Variants in FAM168A observed in about 807,000 individuals in gnomAD.
FAM168A encodes protein FAM168A.
A neutral mutation model predicts 28.5 loss-of-function variants in FAM168A; 3 were observed. The observed-to-expected ratio is 0.11, with a 90% CI of 0.05 to 0.27. The LOEUF is 0.27. FAM168A is among the 10% of genes least tolerant of loss of function. FAM168A has a pLI of 1.00. For synonymous variants in FAM168A, 122 were observed against 124.2 expected (o/e 0.98, Z 0.12); for missense variants, 222 against 311.5 (o/e 0.71, Z 2.16).
At chr11:73,444,417 G>A (rs895000097) in intron 2 of FAM168A, among the ~76,000 whole-genome samples, 5 of 152,168 alleles carry the variant, frequency 3.3e-5, no homozygotes, top group African/African-American at 4.8e-5. Flanking sequence ...GCCTATTATT[G>A]TTTGACCAAG....
At chr11:73,446,030 G>A (rs1867306376) in intron 2 of FAM168A, among the ~76,000 whole-genome samples, 1 of 152,190 alleles carries the variant, frequency 6.6e-6, no homozygotes, top group African/African-American at 2.4e-5. Flanking sequence ...CTATTTCTAT[G>A]AGCTATTTTA....
intron 1 of FAM168A, among the ~76,000 whole-genome samples, chr11:73,520,134 C>T (rs1943357389): frequency 6.6e-6 from 1 of 151,988 alleles, no homozygotes; most frequent in African/African-American, 2.4e-5. Flanking sequence ...CAACCTCTGC[C>T]TCCCTGGTTC....
At chr11:73,571,048 G>A (rs902873839) in intron 1 of FAM168A, among the ~76,000 whole-genome samples, 1 of 152,090 alleles carries the variant, frequency 6.6e-6, no homozygotes, top group Non-Finnish European at 1.5e-5. Flanking sequence ...AGAAGACAAT[G>A]ATCCAGACAA....
intron 1 of FAM168A, among the ~76,000 whole-genome samples, chr11:73,576,953 T>TA (rs11336010): frequency 2.1e-3 from 302 of 144,792 alleles, no homozygotes; most frequent in East Asian, 5.0e-3. Context: ...TCCCATTATT[T>TA]AAAAAAAAAA....
intron 1 of FAM168A, among the ~76,000 whole-genome samples, chr11:73,482,783 G>A (rs1867985270): frequency 6.6e-6 from 1 of 151,978 alleles, no homozygotes; most frequent in African/African-American, 2.4e-5. Flanking sequence ...CTGTCACCCG[G>A]GCTGGAATGC....
At chr11:73,450,715 GTTTC>G (rs928719628) in intron 2 of FAM168A, among the ~76,000 whole-genome samples, 6 of 148,386 alleles carry the variant, frequency 4.0e-5, no homozygotes, top group African/African-American at 1.5e-4. Flanking sequence ...GTTTCAACTG[GTTTC>G]TTTTTATGGA....
intron 1 of FAM168A, chr11:73,580,173 C>A: frequency 7.4e-6 from 3 of 406,644 alleles, no homozygotes; most frequent in Non-Finnish European, 9.5e-6. Flanking sequence ...GAGAACGACC[C>A]CCAGACCAAC....
intron 1 of FAM168A, among the ~76,000 whole-genome samples, chr11:73,478,602 T>C (rs952053818): frequency 6.6e-6 from 1 of 152,220 alleles, no homozygotes; most frequent in East Asian, 1.9e-4. Context: ...ATTTATCATA[T>C]CTAAATTATA....
At chr11:73,482,296 A>T (rs1429526367) in intron 1 of FAM168A, among the ~76,000 whole-genome samples, 1 of 151,066 alleles carries the variant, frequency 6.6e-6, no homozygotes, top group Non-Finnish European at 1.5e-5. Flanking sequence ...CTCTGAGCAA[A>T]ACCCAAGCCT....
chr11:73,562,409 C>A (rs1204253594), intron 1 of FAM168A, among the ~76,000 whole-genome samples: 2 of 152,208 alleles, frequency 1.3e-5, no homozygotes, highest in Admixed American at 1.3e-4. Flanking sequence ...CCTTGGTCTA[C>A]AACCTAGATC....
intron 4 of FAM168A, among the ~76,000 whole-genome samples, chr11:73,413,880 A>G (rs1305477100): frequency 1.3e-5 from 2 of 152,170 alleles, no homozygotes; most frequent in East Asian, 3.9e-4. Flanking sequence ...AGCCTGGGTA[A>G]CACAGACAGA....
chr11:73,555,796 C>A (rs900138130), intron 1 of FAM168A, among the ~76,000 whole-genome samples: 1 of 152,046 alleles, frequency 6.6e-6, no homozygotes, highest in African/African-American at 2.4e-5. Flanking sequence ...ATAAACTCAG[C>A]AAATCAGAGA....
intron 1 of FAM168A, among the ~76,000 whole-genome samples, chr11:73,506,822 A>C (rs1161786477): frequency 6.6e-6 from 1 of 152,216 alleles, no homozygotes; most frequent in East Asian, 1.9e-4. Flanking sequence ...ACTAATAGTA[A>C]ATCAGGCATT....
intron 1 of FAM168A, among the ~76,000 whole-genome samples, chr11:73,549,193 C>T (rs1458128263): frequency 1.3e-5 from 2 of 152,118 alleles, no homozygotes. Flanking sequence ...CCACACGCCT[C>T]AGCCACCCAA....
intron 2 of FAM168A, among the ~76,000 whole-genome samples, chr11:73,433,847 T>A (rs1196825843): frequency 7.0e-6 from 1 of 142,596 alleles, no homozygotes; most frequent in Admixed American, 7.0e-5. Context: ...GCCCTTTTTT[T>A]TTTTTTTTTT....
chr11:73,545,486 T>G (rs1271823734), intron 1 of FAM168A, among the ~76,000 whole-genome samples: 5 of 151,924 alleles, frequency 3.3e-5, no homozygotes, highest in Non-Finnish European at 5.9e-5. Context: ...AAGTTTCCAA[T>G]AGGTAACGAA....
At chr11:73,520,240 G>C (rs1306954785) in intron 1 of FAM168A, among the ~76,000 whole-genome samples, 1 of 151,668 alleles carries the variant, frequency 6.6e-6, no homozygotes, top group Non-Finnish European at 1.5e-5. Flanking sequence ...AGTAGAGATG[G>C]GGTTTCACCA....
chr11:73,496,038 A>G (rs1253686489), intron 1 of FAM168A, among the ~76,000 whole-genome samples: 1 of 152,226 alleles, frequency 6.6e-6, no homozygotes, highest in Non-Finnish European at 1.5e-5. Context: ...TCCACTGATG[A>G]ATGAATGGAT....
intron 1 of FAM168A, among the ~76,000 whole-genome samples, chr11:73,484,159 C>G (rs1868006707): frequency 6.6e-6 from 1 of 152,150 alleles, no homozygotes; most frequent in South Asian, 2.1e-4. Context: ...GCTGAGGATA[C>G]AGAGTACGTT....
Sources: allele counts gnomAD v4.1 joint callset (sites outside exome capture counted in the v4.1 genomes callset), GRCh38; gene constraint gnomAD v4.1.1; transcripts MANE v1.5; gene names NCBI Gene and HGNC (gene_info 2026-07-23, HGNC 2026-07-21).